ICAM2: variants seen among roughly 807,000 people sequenced by gnomAD.
ICAM2 encodes the protein intercellular adhesion molecule 2.
Under a neutral mutation model 19.1 loss-of-function variants are expected in ICAM2, and 14 were observed. The ratio of observed to expected loss-of-function variants is 0.73; its 90% confidence interval spans 0.48 to 1.15. ICAM2 has a LOEUF of 1.15. Ranked by LOEUF, ICAM2 falls within the 50% of genes most tolerant of loss-of-function variation. ICAM2 has a pLI of 0.00. For missense variants in ICAM2, 311 were observed against 355.4 expected, an observed-to-expected ratio of 0.88 and a Z score of 1.00; for synonymous variants, 153 against 152.7, an observed-to-expected ratio of 1.00 and a Z score of -0.01.
At chr17:64,013,788 A>G (rs1911546263) in intron 1 of ICAM2, among the ~76,000 whole-genome samples, 1 of 152,152 alleles carries the variant, frequency 6.6e-6, no homozygotes, top group Admixed American at 6.5e-5. Flanking sequence ...GTTTCTATAT[A>G]GAACTATATA....
chr17:64,018,092 G>A (rs906608090), intron 1 of ICAM2, among the ~76,000 whole-genome samples: 4 of 152,078 alleles, frequency 2.6e-5, no homozygotes, highest in African/African-American at 4.8e-5. Flanking sequence ...CCAGCACTTT[G>A]GGAGGCCGAG....
rs139654221 is a variant in ICAM2 at position 64,017,554 on chromosome 17, A to G, written c.-45+2969T>C. Among the ~76,000 whole-genome samples the G allele has an allele frequency of 2.8e-4, 42 of 152,302 alleles. No individual in the cohort carries two copies. The East Asian group carries it at 7.5e-3, about 27-fold the overall frequency. ...TGATCTATAGGGTCAGTGCAATTCC[A>G]ATTAACCCCAGTAGGGTTTTTCATG... is the stretch of plus-strand genomic sequence containing the variant. On this transcript the variant is annotated intron_variant, in intron 1 of 4. Transcript: ENST00000579788.
intron 1 of ICAM2, among the ~76,000 whole-genome samples, chr17:64,014,355 G>A (rs980491261): frequency 1.9e-5 from 1 of 52,776 alleles, no homozygotes; most frequent in African/African-American, 6.0e-5. Context: ...AAGAAAGAAA[G>A]AAAGAAAGAA....
At chr17:64,003,493 C>G in intron 4 of ICAM2, 151 bp downstream of exon 4, 1 of 729,532 alleles carries the variant, frequency 1.4e-6, no homozygotes. Context: ...TTGGAAAGAA[C>G]TTCAGGGAAG....
At chr17:64,015,552 C>T (rs1257224810) in intron 1 of ICAM2, among the ~76,000 whole-genome samples, 3 of 152,048 alleles carry the variant, frequency 2.0e-5, no homozygotes, top group Non-Finnish European at 4.4e-5. Flanking sequence ...CCAGCATGGG[C>T]AACATGACAA....
In ICAM2 at chr17:64,003,832, T is replaced by C. The variant is rs1274416825; in HGVS notation, c.461A>G (p.Glu154Gly). 6.2e-7 allele frequency: 1 copy of C among 1,614,200 alleles called. No individual in the cohort carries two copies. Among genetic ancestry groups the C allele is most frequent in the Admixed American group, 1.7e-5 (1 of 60,034 alleles). The change falls in exon 4 of 5, where the codon GAG (glutamate) becomes GGG (glycine). Residue 154 changes from glutamate to glycine, a missense_variant. Transcript: ENST00000579788. Reference protein sequence around the residue: ...SLTLFLFRGNETLHYETFGKA... With the variant: ...SLTLFLFRGNGTLHYETFGKA... ...CCCGAAGGTCTCATAGTGCAGAGTC[T>C]CATTGCCACGGAACAGGAAGAGGGT...
chr17:64,002,966 C>A, intron 4 of ICAM2, 41 bp from the exon 5 acceptor site: 1 of 1,584,434 alleles, frequency 6.3e-7, no homozygotes. Context: ...GTCCTGTGAT[C>A]CCAGTTACCA....
chr17:64,012,530 G>C (rs1286372854), intron 1 of ICAM2, among the ~76,000 whole-genome samples: 1 of 152,172 alleles, frequency 6.6e-6, no homozygotes, highest in Non-Finnish European at 1.5e-5. Flanking sequence ...AACCCGGGAG[G>C]TGGAGGTTGC....
intron 1 of ICAM2, among the ~76,000 whole-genome samples, chr17:64,014,383 GGA>G: frequency 1.8e-5 from 1 of 54,848 alleles, no homozygotes; most frequent in South Asian, 8.0e-4. Context: ...AAGAAAGGAA[GGA>G]AGGAAGGAAG....
chr17:64,018,937 G>A (rs1222943363), intron 1 of ICAM2, among the ~76,000 whole-genome samples: 4 of 147,910 alleles, frequency 2.7e-5, no homozygotes, highest in African/African-American at 8.0e-5. Flanking sequence ...GGCCAGGACC[G>A]TCTCTATCTC....
chr17:64,004,023 C>A (rs1911024858), intron 3 of ICAM2, 59 bp from the exon 4 acceptor site: 1 of 1,346,570 alleles, frequency 7.4e-7, no homozygotes, highest in Non-Finnish European at 1.0e-6. Context: ...CAGCAGCCTC[C>A]CCCTGGCCAG....
chr17:64,018,640 A>G (rs773505368), intron 1 of ICAM2, among the ~76,000 whole-genome samples: 50 of 151,072 alleles, frequency 3.3e-4, no homozygotes, highest in Middle Eastern at 3.4e-3. Flanking sequence ...TGTAACTCAC[A>G]GTTCCATTCT....
intron 2 of ICAM2, 118 bp downstream of exon 2, chr17:64,006,513 A>G: frequency 1.2e-6 from 1 of 806,262 alleles, no homozygotes; most frequent in Non-Finnish European, 2.0e-6. Flanking sequence ...AAACAAAAAA[A>G]CCTAAGAACC....
At position 64,014,737 on chromosome 17, in the gene ICAM2, GAAAGAA is replaced by G. The variant is rs1377005863; in HGVS notation, c.-45+5780_-45+5785del. 1.5e-4 allele frequency among the ~76,000 whole-genome samples: 17 copies of G among 114,432 alleles called. 1 individual carries two copies. In the East Asian group the frequency reaches 4.3e-3, roughly 29 times the overall value. 75.1% of individuals were successfully genotyped at this position (114,432 alleles called of 152,430 possible). A position where few individuals can be genotyped will look rare whatever the true frequency, so the allele number is the denominator to read the frequency against. ...AGGAAGGAAGGAAGAAAGAAAGAAAGAAAGAAAGAAAGAAAGAAAGAAAGAAAGAAA... is the reference window on the plus strand; with the variant it reads ...AGGAAGGAAGGAAGAAAGAAAGAAAGAGAAAGAAAGAAAGAAAGAAAGAAA... On this transcript the variant is annotated intron_variant, in intron 1 of 4. Coordinates refer to ENST00000579788, the MANE Select transcript of ICAM2 (RefSeq NM_001099789.2).
At chr17:64,017,328 CAT>C (rs904375150) in intron 1 of ICAM2, among the ~76,000 whole-genome samples, 3 of 152,062 alleles carry the variant, frequency 2.0e-5, no homozygotes, top group African/African-American at 4.8e-5. Flanking sequence ...CATACAAAAA[CAT>C]AATTTAAAAA....
intron 1 of ICAM2, among the ~76,000 whole-genome samples, chr17:64,017,318 C>T (rs1213135692): frequency 1.3e-5 from 2 of 152,096 alleles, no homozygotes. Flanking sequence ...GTATCAGTAA[C>T]ATACAAAAAC....
chr17:64,003,733 T>G lies in ICAM2; in HGVS notation c.560A>C (p.Asn187Thr), dbSNP rs1598015247. 1 of 1,614,162 alleles carries G rather than the reference T, an allele frequency of 6.2e-7. No homozygotes were observed. The highest frequency in any genetic ancestry group is 2.2e-5 in the East Asian group (1 of 44,882). Reference sequence around the variant, plus strand: ...GTCCAGCACAGCCAGGCAGGAGAAGTTGCGGTGGCCATCCTCTCTGTCAGC... The same window carrying G: ...GTCCAGCACAGCCAGGCAGGAGAAGGTGCGGTGGCCATCCTCTCTGTCAGC... Reference protein sequence around the residue: ...STADREDGHRNFSCLAVLDLM... With the variant: ...STADREDGHRTFSCLAVLDLM... Residue 187 changes from asparagine (N) to threonine (T), a missense_variant, in exon 4 of 5, where the codon AAC (asparagine) becomes ACC (threonine). Transcript: ENST00000579788.
chr17:64,005,141 C>T lies in ICAM2; in HGVS notation c.294G>A (p.Lys98=). The T allele has an allele frequency of 6.2e-7, 1 of 1,614,158 alleles. No homozygotes were observed. The highest frequency in any genetic ancestry group is 8.5e-7 in the Non-Finnish European group (1 of 1,180,020). ...VLQCHFTCSG[K]QESMNSNVSV... is the part of the protein sequence containing the mutation. ...TGACGTTGGAATTCATTGACTCCTG[C>T]TTCCCGGAGCAGGTGAAGTGGCATT... Residue 98 remains lysine, a synonymous_variant, in exon 3 of 5, where the codon AAG becomes AAA. Coordinates refer to ENST00000579788, the MANE Select transcript of ICAM2 (RefSeq NM_001099789.2).
At chr17:64,010,976 A>G (rs990818701) in intron 1 of ICAM2, among the ~76,000 whole-genome samples, 14 of 152,218 alleles carry the variant, frequency 9.2e-5, no homozygotes, top group Non-Finnish European at 2.1e-4. Flanking sequence ...GTAAGGGGCT[A>G]ATATCCAAAA....
Sources: allele counts gnomAD v4.1 joint callset (sites outside exome capture counted in the v4.1 genomes callset), GRCh38; gene constraint gnomAD v4.1.1; transcripts MANE v1.5; gene names NCBI Gene and HGNC (gene_info 2026-07-23, HGNC 2026-07-21).